Variants in TENM3 observed in about 807,000 individuals in gnomAD.
TENM3 encodes teneurin-3.
TENM3 carries 63 observed loss-of-function variants against 255.1 expected under a neutral mutation model. That is an observed-to-expected ratio of 0.25 (90% CI 0.20 to 0.30). The LOEUF is 0.30. TENM3 is among the 10% of genes least tolerant of loss of function. The pLI is 1.00. For missense variants in TENM3, 2,929 were observed against 3,461.1 expected (o/e 0.85, Z 3.86); for synonymous variants, 1,306 against 1,322.3 (o/e 0.99, Z 0.27).
chr4:182,558,461 A>T (rs1742797699), intron 3 of TENM3, among the ~76,000 whole-genome samples: 1 of 152,162 alleles, frequency 6.6e-6, no homozygotes, highest in Admixed American at 6.5e-5. Flanking sequence ...CATGCCGCTG[A>T]TTTGCCAACA....
In TENM3 at chr4:182,572,203, A is replaced by G. The variant is rs147330781; in HGVS notation, c.512-28721A>G. Among the ~76,000 whole-genome samples the G allele has an allele frequency of 1.4e-3, 220 of 152,308 alleles. 1 individual carries two copies. The highest frequency in any genetic ancestry group is 2.5e-3 in the Non-Finnish European group (169 of 68,030). On this transcript the variant is annotated intron_variant, in intron 3 of 27. Coordinates refer to ENST00000511685, the MANE Select transcript of TENM3 (RefSeq NM_001080477.4). ...AGGCGTGAGCCACTGCGCCCGGCCAATATTACTGTTTTTAAAACAGAGACT... is the reference window on the plus strand; with the variant it reads ...AGGCGTGAGCCACTGCGCCCGGCCAGTATTACTGTTTTTAAAACAGAGACT...
At chr4:181,987,371 T>C in the TENM3 span, among the ~76,000 whole-genome samples, 1 of 152,146 alleles carries the variant, frequency 6.6e-6, no homozygotes, top group Non-Finnish European at 1.5e-5. Flanking sequence ...GATAAAAGGC[T>C]GTTTCCCCTC....
chr4:181,852,890 T>C, the TENM3 span, among the ~76,000 whole-genome samples: 1 of 152,216 alleles, frequency 6.6e-6, no homozygotes, highest in Non-Finnish European at 1.5e-5. Flanking sequence ...GTGAACGTAC[T>C]TAACGCCACT....
intron 22 of TENM3, among the ~76,000 whole-genome samples, chr4:182,767,159 T>G (rs76052087): frequency 0.079 from 12,061 of 152,250 alleles, 613 homozygotes; most frequent in East Asian, 0.2. Flanking sequence ...GATTTGTCTT[T>G]GAGATGATAA....
At chr4:182,661,119 A>G (rs1458019440) in intron 6 of TENM3, among the ~76,000 whole-genome samples, 1 of 151,566 alleles carries the variant, frequency 6.6e-6, no homozygotes, top group East Asian at 1.9e-4. Flanking sequence ...AACTACAAAT[A>G]TGTGTGTATG....
the TENM3 span, among the ~76,000 whole-genome samples, chr4:181,756,761 G>A: frequency 6.6e-6 from 1 of 152,178 alleles, no homozygotes. Flanking sequence ...GTCTTCACAA[G>A]TAAACTCCAG....
intron 1 of TENM3, among the ~76,000 whole-genome samples, chr4:182,150,029 T>G (rs1750230116): frequency 6.6e-6 from 1 of 152,046 alleles, no homozygotes; most frequent in Non-Finnish European, 1.5e-5. Flanking sequence ...CGTTTGTTGA[T>G]AGTATATTCT....
chr4:182,175,096 G>T (rs1365961268), intron 1 of TENM3, among the ~76,000 whole-genome samples: 1 of 151,908 alleles, frequency 6.6e-6, no homozygotes, highest in Non-Finnish European at 1.5e-5. Flanking sequence ...GCATTTTGAG[G>T]CTGATAACAT....
the TENM3 span, among the ~76,000 whole-genome samples, chr4:181,866,627 G>C: frequency 4.2e-4 from 64 of 152,152 alleles, 1 homozygote; most frequent in Non-Finnish European, 9.0e-4. Flanking sequence ...GGTGTGTGTA[G>C]AATAACCGAA....
rs148445260 is a variant in TENM3 at position 182,148,643 on chromosome 4, C to G, written c.-76+3889C>G. On this transcript the variant is annotated intron_variant, in intron 1 of 2. Coordinates refer to the TENM3 transcript ENST00000512480. ...ATTTCTTAGAATTTTGGATGGACCT[C>G]TTGTGCATGTGTTATAACTTTATTT... Among the ~76,000 whole-genome samples, 1,058 of 152,102 alleles carry G rather than the reference C, an allele frequency of 7.0e-3. 7 individuals carry two copies. The highest frequency in any genetic ancestry group is 0.023 in the African/African-American group (961 of 41,524).
chr4:181,789,924 A>T, the TENM3 span, among the ~76,000 whole-genome samples: 3 of 152,244 alleles, frequency 2.0e-5, no homozygotes, highest in East Asian at 5.8e-4. Context: ...AGTATTCTTC[A>T]TTATGCCAAA....
At chr4:181,682,823 G>T in the TENM3 span, among the ~76,000 whole-genome samples, 1 of 152,002 alleles carries the variant, frequency 6.6e-6, no homozygotes, top group Non-Finnish European at 1.5e-5. Context: ...AAAGGGAGAG[G>T]CTTCACTGGA....
chr4:182,653,953 A>G, intron 6 of TENM3, 60 bp downstream of exon 6: 1 of 1,490,458 alleles, frequency 6.7e-7, no homozygotes, highest in Non-Finnish European at 9.0e-7. Context: ...CCATAAATTT[A>G]TTTTTACCCA....
At chr4:181,676,989 C>CTTTTT in the TENM3 span, among the ~76,000 whole-genome samples, 2 of 137,696 alleles carry the variant, frequency 1.5e-5, no homozygotes, top group Admixed American at 7.5e-5. Context: ...CCGATTTTAT[C>CTTTTT]TTTTTTTTTT....
At position 182,360,937 on chromosome 4, in the gene TENM3, C is replaced by G. The variant is rs181502611; in HGVS notation, c.511+14008C>G. Among the ~76,000 whole-genome samples, 52 of 152,230 alleles carry G rather than the reference C, an allele frequency of 3.4e-4. No individual in the cohort carries two copies. In the East Asian group the frequency reaches 7.7e-3, roughly 23 times the overall value. ...GCCTGGTGGTGACAAAATCTCTTAG[C>G]ATTTGCTTGTCTGTAAAGTATTCTA... On this transcript the variant is annotated intron_variant, in intron 3 of 27. Transcript: ENST00000511685.
chr4:181,623,581 G>A, the TENM3 span, among the ~76,000 whole-genome samples: 1 of 152,160 alleles, frequency 6.6e-6, no homozygotes, highest in Non-Finnish European at 1.5e-5. Flanking sequence ...CCTCTTTATT[G>A]AGACACTTGA....
At chr4:181,805,840 G>A in the TENM3 span, among the ~76,000 whole-genome samples, 3 of 152,044 alleles carry the variant, frequency 2.0e-5, no homozygotes, top group Non-Finnish European at 2.9e-5. Flanking sequence ...TTGATGACAC[G>A]TATATTGACA....
the TENM3 span, among the ~76,000 whole-genome samples, chr4:181,467,125 ATT>A: frequency 0.014 from 241 of 17,570 alleles, 12 homozygotes; most frequent in African/African-American, 0.054. Flanking sequence ...ATATATATAT[ATT>A]TTTTTTTTTT....
the TENM3 span, among the ~76,000 whole-genome samples, chr4:181,470,708 A>T: frequency 6.6e-6 from 1 of 152,166 alleles, no homozygotes; most frequent in Non-Finnish European, 1.5e-5. Flanking sequence ...ACCCTTTAGT[A>T]ATATGGTTTC....
Sources: allele counts gnomAD v4.1 joint callset (sites outside exome capture counted in the v4.1 genomes callset), GRCh38; gene constraint gnomAD v4.1.1; transcripts MANE v1.5; gene names NCBI Gene and HGNC (gene_info 2026-07-23, HGNC 2026-07-21).